Variants in WASHC5 observed in about 807,000 individuals in gnomAD.
WASHC5 encodes WASH complex subunit 5, also known as WASH complex subunit strumpellin.
WASHC5 carries 101 observed loss-of-function variants against 150.4 expected under a neutral mutation model. The observed-to-expected ratio is 0.67, with a 90% CI of 0.57 to 0.79. The LOEUF (loss-of-function observed/expected upper bound fraction) is 0.79. Ranked by LOEUF, WASHC5 falls within the 30% of genes least tolerant of loss-of-function variation. The pLI is 0.00. For synonymous variants in WASHC5, 467 were observed against 491.2 expected (o/e 0.95, Z 0.65); for missense variants, 1,195 against 1,396.3 (o/e 0.86, Z 2.30).
intron 9 of WASHC5, among the ~76,000 whole-genome samples, chr8:125,071,112 T>C (rs1387281770): frequency 6.6e-6 from 1 of 152,206 alleles, no homozygotes; most frequent in Admixed American, 6.5e-5. Context: ...TCAGAGTTGG[T>C]CCTCAAGGAA....
At chr8:125,082,488 C>T in intron 3 of WASHC5, 21 bp from the exon 4 acceptor site, 1 of 1,232,736 alleles carries the variant, frequency 8.1e-7, no homozygotes, top group Middle Eastern at 2.0e-4. Context: ...AACCACAGTG[C>T]AAGTTATTAA....
intron 7 of WASHC5, 109 bp from the exon 8 acceptor site, chr8:125,075,220 C>A (rs1185960384): frequency 1.4e-5 from 11 of 765,170 alleles, no homozygotes; most frequent in Non-Finnish European, 2.3e-5. Context: ...AAATTCCATT[C>A]CAATGAAAAA....
In WASHC5 at chr8:125,067,266, C is replaced by T. The variant is rs573432218; in HGVS notation, c.1278+326G>A. ...CTCCTGACCTCAGGTGATCTGCCCA[C>T]GTGGGCCTTCCAAGGTGCTGGGATT... On this transcript the variant is annotated intron_variant, in intron 10 of 28. Transcript: ENST00000318410. 3.9e-5 allele frequency among the ~76,000 whole-genome samples: 6 copies of T among 152,180 alleles called. No individual in the cohort carries two copies. In the South Asian group the frequency reaches 1.0e-3, roughly 26 times the overall value.
In WASHC5 at chr8:125,038,699, G is replaced by C. The variant is rs1481656189; in HGVS notation, c.3084+131C>G. 3 of 1,053,846 alleles carry C rather than the reference G, an allele frequency of 2.8e-6. No individual in the cohort carries two copies. The African/African-American group carries it at 4.7e-5, about 17-fold the overall frequency. 65.3% of individuals were successfully genotyped at this position (1,053,846 alleles called of 1,614,324 possible). ...TGTGATGATTGCTTAGAAAGGGCAG[G>C]GAACTGAATGGAATGAAGGCTCTGG... On this transcript the variant is annotated intron_variant, in intron 25 of 28. Transcript: ENST00000318410.
At position 125,059,357 on chromosome 8, in the gene WASHC5, G is replaced by A; in HGVS notation, c.1688+19C>T. 6.2e-7 allele frequency: 1 copy of A among 1,614,044 alleles called. No homozygotes were observed. The highest frequency in any genetic ancestry group is 8.5e-7 in the Non-Finnish European group (1 of 1,179,940). ...CTAGGGCCTTTCATCTACAGCAAAT[G>A]TCAGGCTGCCTACATTACCTGTCAA... On this transcript the variant is annotated intron_variant, in intron 13 of 28. Transcript: ENST00000318410.
At chr8:125,049,973 T>G (rs1319126551) in intron 18 of WASHC5, among the ~76,000 whole-genome samples, 1 of 151,666 alleles carries the variant, frequency 6.6e-6, no homozygotes, top group Admixed American at 6.6e-5. Context: ...ATTCAGCAAA[T>G]AAATGATTTC....
chr8:125,076,774 T>C (rs1256968281), intron 6 of WASHC5, among the ~76,000 whole-genome samples: 2 of 133,790 alleles, frequency 1.5e-5, no homozygotes, highest in South Asian at 2.5e-4. Context: ...CCCATTCCTG[T>C]GTCTCCCACC....
Position 125,076,437 on chromosome 8 carries a change from A to T in WASHC5, c.775T>A (p.Tyr259Asn), listed in dbSNP as rs746440400. The T allele has an allele frequency of 6.2e-7, 1 of 1,614,104 alleles. No individual in the cohort carries two copies. Among genetic ancestry groups the T allele is most frequent in the Admixed American group, 1.7e-5 (1 of 60,006 alleles). Residue 259 changes from tyrosine (Y) to asparagine (N), a missense_variant, in exon 7 of 29, where the codon TAC becomes AAC. Coordinates refer to ENST00000318410, the MANE Select transcript of WASHC5 (RefSeq NM_014846.4). Reference protein sequence around the residue: ...TALANQAAMLYVILYFEPSIL... With the variant: ...TALANQAAMLNVILYFEPSIL... The stretch of plus-strand genomic sequence containing the variant: ...GAAGGCTCAAAGTAGAGAATCACGT[A>T]CAGCATGGCAGCTTGGTTTGCCAGG...
rs7007960 is a variant in WASHC5, at chr8:125,028,331, C to T, written c.3423+289G>A. 0.38 allele frequency among the ~76,000 whole-genome samples: 57,862 copies of T among 152,046 alleles called. 12,942 individuals are homozygous for T. The highest frequency in any genetic ancestry group is 0.61 in the African/African-American group (25,460 of 41,430). On this transcript the variant is annotated intron_variant, in intron 28 of 28. Transcript: ENST00000318410. The stretch of plus-strand genomic sequence containing the variant: ...CTTTCCTCTGGCCACTTAAGGAATC[C>T]CTCCTGGCTTGCCTATTTCACTTAA...
rs1252906133 is a variant in WASHC5, at chr8:125,061,195, C to T, written c.1409-1G>A. ...TCTCTGAACCAAGCTTGAAGGTTTT[C>T]TAGTAATACAGAAATAAGAAAATAC... On this transcript the variant is annotated splice_acceptor_variant, in intron 11 of 28. Coordinates refer to ENST00000318410, the MANE Select transcript of WASHC5 (RefSeq NM_014846.4). LOFTEE classifies it high-confidence loss of function. 1 of 1,485,878 alleles carries T rather than the reference C, an allele frequency of 6.7e-7. No homozygotes were observed. The highest frequency in any genetic ancestry group is 9.4e-7 in the Non-Finnish European group (1 of 1,063,748). The allele number at this position is 1,485,878 out of a possible 1,614,324, so 92.0% of individuals were successfully genotyped here. A position where few individuals can be genotyped will look rare whatever the true frequency, so the allele number is the denominator to read the frequency against.
rs1035163196 is a variant in WASHC5, at chr8:125,076,047, A to T, written c.864+301T>A. 2.6e-5 allele frequency among the ~76,000 whole-genome samples: 4 copies of T among 152,324 alleles called. No homozygotes were observed. The East Asian group carries it at 7.7e-4, about 29-fold the overall frequency. On this transcript the variant is annotated intron_variant, in intron 7 of 28. Transcript: ENST00000318410. ...TTCAGAAAATGGAAAAGAATAAATA[A>T]ATTCTTACACAACTTAGTTGTAATC...
chr8:125,063,646 G>A lies in WASHC5; in HGVS notation c.1284C>T (p.Phe428=). The A allele has an allele frequency of 6.2e-7, 1 of 1,613,472 alleles. No individual in the cohort carries two copies. Among genetic ancestry groups the A allele is most frequent in the African/African-American group, 1.3e-5 (1 of 75,028 alleles). ...AQFEFILKEM[F]KQMLSEKQTK... ...TTTGCTTTTCTGAAAGCATTTGCTT[G>A]AACATCTGTTGAAGCAACAGAAAAT... Residue 428 remains phenylalanine (F), a synonymous_variant, in exon 11 of 29, where the codon TTC becomes TTT. Transcript: ENST00000318410.
In WASHC5 at chr8:125,047,281, C is replaced by T. The variant is rs140742485; in HGVS notation, c.2430G>A (p.Lys810=). ...TTACAGACTCATCCACAGGGGTAAACTTGGGTATTGGAATATGAGTGGACT... is the reference window on the plus strand; with the variant it reads ...TTACAGACTCATCCACAGGGGTAAATTTGGGTATTGGAATATGAGTGGACT... The part of the protein sequence containing the change: ...MYQSTHIPIP[K]FTPVDESVTF... Residue 810 remains lysine (K), a synonymous_variant, in exon 20 of 29, where the codon AAG becomes AAA. Coordinates refer to ENST00000318410, the MANE Select transcript of WASHC5 (RefSeq NM_014846.4). 1.4e-5 allele frequency: 23 copies of T among 1,614,058 alleles called. No homozygotes were observed. The African/African-American group carries it at 2.7e-4, about 19-fold the overall frequency.
At chr8:125,090,586 C>A in intron 1 of WASHC5, among the ~76,000 whole-genome samples, 1 of 152,114 alleles carries the variant, frequency 6.6e-6, no homozygotes, top group East Asian at 1.9e-4. Flanking sequence ...AATAATTTGG[C>A]GTGGAACTGT....
chr8:125,060,224 T>G (rs1040325868), intron 12 of WASHC5, among the ~76,000 whole-genome samples: 2 of 151,944 alleles, frequency 1.3e-5, no homozygotes, highest in African/African-American at 4.9e-5. Flanking sequence ...CGGTGGCTCA[T>G]GCCTGTAATC....
chr8:125,070,346 CT>C (rs562388184), intron 9 of WASHC5, among the ~76,000 whole-genome samples: 95 of 152,224 alleles, frequency 6.2e-4, no homozygotes, highest in African/African-American at 2.1e-3. Flanking sequence ...AATTACGACC[CT>C]GTGCAATCAG....
rs116238445 is a variant in WASHC5 at position 125,063,971 on chromosome 8, C to A, written c.1279-320G>T. Among the ~76,000 whole-genome samples the A allele has an allele frequency of 0.026, 4,004 of 152,182 alleles. 182 individuals carry two copies. Among genetic ancestry groups the A allele is most frequent in the African/African-American group, 0.092 (3,834 of 41,484 alleles). ...GCGGTCTTGAATAGGGCCAGAAATC[C>A]GCATTTTTAATGTGAGATTAAATTT... On this transcript the variant is annotated intron_variant, in intron 10 of 28. Coordinates refer to ENST00000318410, the MANE Select transcript of WASHC5 (RefSeq NM_014846.4).
chr8:125,050,238 A>G (rs1210604745), intron 18 of WASHC5, among the ~76,000 whole-genome samples: 1 of 152,172 alleles, frequency 6.6e-6, no homozygotes, highest in African/African-American at 2.4e-5. Context: ...TAGGGTTACC[A>G]AATTCTTTTA....
At chr8:125,080,974 A>G (rs1235451252) in intron 5 of WASHC5, among the ~76,000 whole-genome samples, 3 of 152,210 alleles carry the variant, frequency 2.0e-5, no homozygotes, top group Non-Finnish European at 2.9e-5. Context: ...TAATATTTGA[A>G]AACTTAAACA....
Sources: gnomAD v4.1 joint callset for allele counts (sites outside exome capture counted in the v4.1 genomes callset) on GRCh38, gnomAD v4.1.1 for gene constraint, MANE v1.5 for transcripts, NCBI Gene and HGNC (gene_info 2026-07-23, HGNC 2026-07-21) for gene names.